MYZAP: variants seen among roughly 807,000 people sequenced by gnomAD.
MYZAP encodes the protein myocardial zonula adherens protein.
Under a neutral mutation model 69.4 loss-of-function variants are expected in MYZAP, and 66 were observed. The observed-to-expected ratio is 0.95, with a 90% CI of 0.78 to 1.17. MYZAP has a LOEUF of 1.17. Ranked by LOEUF, MYZAP falls within the 50% of genes most tolerant of loss-of-function variation. The pLI is 0.00. For synonymous variants in MYZAP, 256 were observed against 205.9 expected, an observed-to-expected ratio of 1.24 and a Z score of -2.09; for missense variants, 611 against 556.2, an observed-to-expected ratio of 1.10 and a Z score of -0.99.
At chr15:57,677,102 G>A (rs185069447) in intron 12 of MYZAP, among the ~76,000 whole-genome samples, 49 of 152,294 alleles carry the variant, frequency 3.2e-4, no homozygotes, top group Admixed American at 1.8e-3. Context: ...AGAATCTTTC[G>A]GTAACTCAGG....
At chr15:57,666,732 T>C (rs2038590398) in intron 11 of MYZAP, among the ~76,000 whole-genome samples, 1 of 152,182 alleles carries the variant, frequency 6.6e-6, no homozygotes, top group Non-Finnish European at 1.5e-5. Flanking sequence ...GCTTATTACC[T>C]GGGTGATGGC....
At chr15:57,683,046 G>T (rs931463878) in intron 12 of MYZAP, among the ~76,000 whole-genome samples, 7 of 152,146 alleles carry the variant, frequency 4.6e-5, no homozygotes, top group Non-Finnish European at 7.3e-5. Context: ...GGATGTTTGG[G>T]CAACTTTAAG....
intron 10 of MYZAP, among the ~76,000 whole-genome samples, chr15:57,657,872 A>G (rs549752535): frequency 6.6e-6 from 1 of 152,224 alleles, no homozygotes; most frequent in Admixed American, 6.5e-5. Context: ...CACCTGCAAC[A>G]CAGGAGAGGA....
chr15:57,621,312 G>A (rs536540129), intron 3 of MYZAP, among the ~76,000 whole-genome samples: 11 of 149,666 alleles, frequency 7.3e-5, no homozygotes, highest in East Asian at 2.0e-4. Flanking sequence ...CCGGATTCAC[G>A]TAATTCTTCT....
chr15:57,646,737 A>G (rs1244076630), intron 10 of MYZAP: 2 of 986,070 alleles, frequency 2.0e-6, no homozygotes, highest in African/African-American at 1.7e-5. Context: ...CTGAATGGAT[A>G]TCAATACTCA....
chr15:57,613,355 T>G (rs2035233177), intron 2 of MYZAP, among the ~76,000 whole-genome samples: 1 of 151,684 alleles, frequency 6.6e-6, no homozygotes, highest in Non-Finnish European at 1.5e-5. Flanking sequence ...GGCTTTTGAT[T>G]TTTAATTTAA....
chr15:57,621,586 CTAG>C lies in MYZAP; in HGVS notation c.319-19_319-17del. On this transcript the variant is annotated intron_variant, in intron 3 of 12. Coordinates refer to ENST00000267853, the MANE Select transcript of MYZAP (RefSeq NM_001018100.5). ...GAAAATGTTATGGCTTGATCTCTAA[CTAG>C]TATCTTTGTGGGCTACAGGTGAGAG... The C allele has an allele frequency of 6.2e-7, 1 of 1,609,804 alleles. No homozygotes were observed.
intron 2 of MYZAP, among the ~76,000 whole-genome samples, chr15:57,606,847 T>C (rs1297181496): frequency 1.3e-5 from 2 of 152,246 alleles, no homozygotes; most frequent in African/African-American, 4.8e-5. Flanking sequence ...TATGGTTATG[T>C]AGTTGAGTGG....
At position 57,620,796 on chromosome 15, in the gene MYZAP, G is replaced by A. The variant is rs558270911; in HGVS notation, c.319-812G>A. On this transcript the variant is annotated intron_variant, in intron 3 of 12. Transcript: ENST00000267853. ...TAGAGGTTGCTTTTTGGTTTCTTTGGTCCTCTTAGCCATGAGTCTGTTAAA... is the reference window on the plus strand; with the variant it reads ...TAGAGGTTGCTTTTTGGTTTCTTTGATCCTCTTAGCCATGAGTCTGTTAAA... Among the ~76,000 whole-genome samples, 28 of 152,128 alleles carry A rather than the reference G, an allele frequency of 1.8e-4. 1 individual carries two copies. The South Asian group carries it at 5.6e-3, about 30-fold the overall frequency.
chr15:57,633,469 G>A, intron 7 of MYZAP, 144 bp from the exon 8 acceptor site: 1 of 1,230,216 alleles, frequency 8.1e-7, no homozygotes, highest in Non-Finnish European at 1.1e-6. Context: ...GTGAGGTTGA[G>A]TTCATGATCT....
intron 3 of MYZAP, among the ~76,000 whole-genome samples, chr15:57,620,593 G>T (rs2035745302): frequency 6.6e-6 from 1 of 152,216 alleles, no homozygotes; most frequent in Non-Finnish European, 1.5e-5. Flanking sequence ...CAGCGTTTGT[G>T]TAAACAAGTG....
chr15:57,613,931 AT>A (rs1417472495), intron 2 of MYZAP, among the ~76,000 whole-genome samples: 4 of 152,214 alleles, frequency 2.6e-5, no homozygotes, highest in African/African-American at 9.7e-5. Context: ...ATTGGGAGGT[AT>A]TTTAAAGGAT....
intron 1 of MYZAP, 109 bp from the exon 2 acceptor site, chr15:57,604,160 G>T: frequency 8.8e-7 from 1 of 1,142,830 alleles, no homozygotes; most frequent in Non-Finnish European, 1.3e-6. Flanking sequence ...TCAGGACAGT[G>T]TTCCCCAATG....
At chr15:57,675,955 G>T (rs2039092029) in intron 12 of MYZAP, among the ~76,000 whole-genome samples, 1 of 152,128 alleles carries the variant, frequency 6.6e-6, no homozygotes, top group Middle Eastern at 3.2e-3. Context: ...GTGCTTTGCT[G>T]GACATAGTAG....
intron 5 of MYZAP, among the ~76,000 whole-genome samples, chr15:57,627,394 AG>A (rs2036208382): frequency 4.6e-4 from 3 of 6,548 alleles, no homozygotes; most frequent in Non-Finnish European, 9.4e-4. Context: ...GGGGAGGGGG[AG>A]GGGGAGGGGA....
rs899326953 is a variant in MYZAP, at chr15:57,595,485, T to C, written c.75+3376T>C. On this transcript the variant is annotated intron_variant, in intron 1 of 12. Transcript: ENST00000267853. ...ATAAATGCCAGTTAGTCTTGCTAAATGGGCCTTTGAAATGGAAGGTTGGTT... is the reference window on the plus strand; with the variant it reads ...ATAAATGCCAGTTAGTCTTGCTAAACGGGCCTTTGAAATGGAAGGTTGGTT... Among the ~76,000 whole-genome samples, 5 of 151,742 alleles carry C rather than the reference T, an allele frequency of 3.3e-5. No homozygotes were observed. The South Asian group carries it at 1.1e-3, about 32-fold the overall frequency.
At chr15:57,655,495 A>G (rs2037969271) in intron 10 of MYZAP, among the ~76,000 whole-genome samples, 1 of 152,068 alleles carries the variant, frequency 6.6e-6, no homozygotes, top group African/African-American at 2.4e-5. Flanking sequence ...GAGCACCTGT[A>G]TTTTGTAAAA....
At chr15:57,596,061 A>G (rs1164997635) in intron 1 of MYZAP, among the ~76,000 whole-genome samples, 1 of 152,216 alleles carries the variant, frequency 6.6e-6, no homozygotes, top group Non-Finnish European at 1.5e-5. Context: ...TTGATCTTTC[A>G]CATTGCCTTG....
intron 10 of MYZAP, among the ~76,000 whole-genome samples, chr15:57,642,336 A>C (rs534270970): frequency 1.1e-4 from 17 of 152,358 alleles, no homozygotes; most frequent in African/African-American, 4.1e-4. Flanking sequence ...AAAATCAGCA[A>C]AGTCGTAACT....
Sources: allele counts gnomAD v4.1 joint callset (sites outside exome capture counted in the v4.1 genomes callset), GRCh38; gene constraint gnomAD v4.1.1; transcripts MANE v1.5; gene names NCBI Gene and HGNC (gene_info 2026-07-23, HGNC 2026-07-21).